Variants in RCC2 observed in about 807,000 individuals in gnomAD.
RCC2 encodes protein RCC2.
In RCC2, 19 loss-of-function variants were observed where a neutral mutation model predicts 64.1. That is an observed-to-expected ratio of 0.30 (90% CI 0.21 to 0.44). The LOEUF is 0.44. RCC2 is among the 20% of genes least tolerant of loss of function. RCC2 has a pLI of 1.00. For synonymous variants in RCC2, 325 were observed against 279.6 expected, an observed-to-expected ratio of 1.16 and a Z score of -1.62; for missense variants, 508 against 710.4, an observed-to-expected ratio of 0.72 and a Z score of 3.24.
chr1:17,415,784 C>G (rs578022925), intron 8 of RCC2, among the ~76,000 whole-genome samples: 15 of 150,598 alleles, frequency 1.0e-4, no homozygotes, highest in Non-Finnish European at 2.2e-4. Flanking sequence ...AAGAAACAAC[C>G]TAGGCCAGGC....
chr1:17,426,328 C>T (rs955028200), intron 3 of RCC2, among the ~76,000 whole-genome samples: 1 of 152,172 alleles, frequency 6.6e-6, no homozygotes, highest in African/African-American at 2.4e-5. Context: ...CCACCTCCTG[C>T]TCCCTTCTCA....
intron 3 of RCC2, among the ~76,000 whole-genome samples, chr1:17,427,487 G>C (rs1165937339): frequency 2.0e-5 from 3 of 152,190 alleles, no homozygotes; most frequent in Non-Finnish European, 1.5e-5. Flanking sequence ...AACTCAAGGA[G>C]GTGGCACCTA....
At position 17,416,529 on chromosome 1, in the gene RCC2, G is replaced by A; in HGVS notation, c.977C>T (p.Pro326Leu). The A allele has an allele frequency of 6.2e-7, 1 of 1,613,940 alleles. No individual in the cohort carries two copies. Among genetic ancestry groups the A allele is most frequent in the Non-Finnish European group, 8.5e-7 (1 of 1,180,044 alleles). Residue 326 changes from proline (P) to leucine (L), a missense_variant, in exon 8 of 13, where the codon CCT becomes CTT. By Grantham distance (98) the Pro-to-Leu change is moderately conservative. Transcript: ENST00000375436. ...IEKTKDGQIL[P>L]VPNVVVRDVA... ...GTCTCGTACAACCACGTTTGGTACA[G>A]GCAGAATCTGTCCATCTTTCGTCTT...
intron 7 of RCC2, among the ~76,000 whole-genome samples, chr1:17,419,126 G>A (rs532182781): frequency 4.6e-5 from 7 of 152,246 alleles, no homozygotes; most frequent in Admixed American, 1.3e-4. Flanking sequence ...AGGCCGAGGC[G>A]GGTAGATCAC....
At chr1:17,431,620 C>T (rs2075682582) in intron 2 of RCC2, among the ~76,000 whole-genome samples, 1 of 151,514 alleles carries the variant, frequency 6.6e-6, no homozygotes, top group Non-Finnish European at 1.5e-5. Flanking sequence ...ACGGCTCACG[C>T]ATTTCTAAGA....
At chr1:17,438,580 G>A in intron 1 of RCC2, 58 bp from the exon 2 acceptor site, 1 of 1,271,138 alleles carries the variant, frequency 7.9e-7, no homozygotes, top group Non-Finnish European at 9.9e-7. Context: ...TGCGCGGGGG[G>A]AGGGGAGCGG....
Position 17,437,662 on chromosome 1 carries a change from G to A in RCC2, c.285+568C>T, listed in dbSNP as rs936829358. On this transcript the variant is annotated intron_variant, in intron 2 of 12. Coordinates refer to ENST00000375436, the MANE Select transcript of RCC2 (RefSeq NM_018715.4). ...GGGGGGCTTCCCCGACCTCGGGGGAGGGCTCTGCGGAGCATGCGCGGCGGC... is the reference window on the plus strand; with the variant it reads ...GGGGGGCTTCCCCGACCTCGGGGGAAGGCTCTGCGGAGCATGCGCGGCGGC... 3.3e-5 allele frequency among the ~76,000 whole-genome samples: 5 copies of A among 151,674 alleles called. No individual in the cohort carries two copies. In the South Asian group the frequency reaches 6.2e-4, roughly 19 times the overall value.
chr1:17,413,813 TA>T, intron 8 of RCC2, 96 bp from the exon 9 acceptor site: 1 of 1,127,996 alleles, frequency 8.9e-7, no homozygotes, highest in Non-Finnish European at 1.3e-6. Flanking sequence ...GTGCAAATGC[TA>T]AGGGCAAAGG....
chr1:17,433,910 G>A (rs2075710102), intron 2 of RCC2, among the ~76,000 whole-genome samples: 1 of 152,122 alleles, frequency 6.6e-6, no homozygotes, highest in Non-Finnish European at 1.5e-5. Context: ...AGACTTCCGG[G>A]TTGGCTTTCA....
Position 17,409,051 on chromosome 1 carries a change from G to T in RCC2, c.*39C>A. 1 of 1,399,094 alleles carries T rather than the reference G, an allele frequency of 7.1e-7. No individual in the cohort carries two copies. Among genetic ancestry groups the T allele is most frequent in the Non-Finnish European group, 1.0e-6 (1 of 984,008 alleles). 86.7% of individuals were successfully genotyped at this position (1,399,094 alleles called of 1,614,324 possible). A position where few individuals can be genotyped will look rare whatever the true frequency, so the allele number is the denominator to read the frequency against. On this transcript the variant is annotated 3_prime_UTR_variant, in exon 13 of 13. Transcript: ENST00000375436. Reference sequence around the variant, plus strand: ...CCCAGTGCACATGGAAATGACAGCTGCCGCGAGAGGTGTGGAGTCGGAGGA... The same window carrying T: ...CCCAGTGCACATGGAAATGACAGCTTCCGCGAGAGGTGTGGAGTCGGAGGA...
intron 2 of RCC2, among the ~76,000 whole-genome samples, chr1:17,434,983 A>G (rs1432246634): frequency 2.0e-5 from 3 of 152,202 alleles, no homozygotes; most frequent in South Asian, 2.1e-4. Context: ...GGTGCCTGTC[A>G]TCTCAGCTAC....
chr1:17,430,668 G>A (rs767610800), intron 2 of RCC2, among the ~76,000 whole-genome samples: 10 of 151,926 alleles, frequency 6.6e-5, no homozygotes, highest in African/African-American at 1.2e-4. Context: ...TCCGCCTGTC[G>A]TCCCAGCTAC....
chr1:17,429,893 A>G (rs2075657584), intron 2 of RCC2, among the ~76,000 whole-genome samples: 2 of 152,334 alleles, frequency 1.3e-5, no homozygotes, highest in South Asian at 2.1e-4. Context: ...AGCAGCCAGC[A>G]TACTTCAGTG....
intron 3 of RCC2, 48 bp downstream of exon 3, chr1:17,429,058 T>C (rs2075647611): frequency 1.4e-6 from 2 of 1,433,474 alleles, no homozygotes; most frequent in African/African-American, 1.4e-5. Context: ...CAACAGAACC[T>C]AGCACTTAAG....
At chr1:17,433,262 T>C (rs1375714075) in intron 2 of RCC2, among the ~76,000 whole-genome samples, 1 of 152,252 alleles carries the variant, frequency 6.6e-6, no homozygotes, top group Non-Finnish European at 1.5e-5. Flanking sequence ...TTTATTTCTC[T>C]ATAACTTCTT....
In RCC2 at chr1:17,429,555, C is replaced by T. The variant is rs376380287; in HGVS notation, c.286-356G>A. Among the ~76,000 whole-genome samples, 39 of 152,280 alleles carry T rather than the reference C, an allele frequency of 2.6e-4. No homozygotes were observed. The East Asian group carries it at 5.2e-3, about 20-fold the overall frequency. Reference sequence around the variant, plus strand: ...AGGAAGCCTGCCGGACACTCAGGGGCGTTAAATCCAGCTCATCCTAGGGCC... The same window carrying T: ...AGGAAGCCTGCCGGACACTCAGGGGTGTTAAATCCAGCTCATCCTAGGGCC... On this transcript the variant is annotated intron_variant, in intron 2 of 12. Transcript: ENST00000375436.
At chr1:17,414,234 T>C (rs1411640248) in intron 8 of RCC2, among the ~76,000 whole-genome samples, 2 of 152,178 alleles carry the variant, frequency 1.3e-5, no homozygotes, top group Non-Finnish European at 2.9e-5. Context: ...TGATTCCCAC[T>C]ACAACAGAGA....
chr1:17,425,954 C>T (rs911325993), intron 3 of RCC2, among the ~76,000 whole-genome samples: 3 of 152,228 alleles, frequency 2.0e-5, no homozygotes, highest in Admixed American at 1.3e-4. Flanking sequence ...GGCCCCAGCC[C>T]CCTCTCTGGG....
At position 17,425,212 on chromosome 1, in the gene RCC2, G is replaced by A. The variant is rs147518256; in HGVS notation, c.523+329C>T. 2.5e-3 allele frequency among the ~76,000 whole-genome samples: 373 copies of A among 152,234 alleles called. 3 individuals carry two copies. Among genetic ancestry groups the A allele is most frequent in the African/African-American group, 8.1e-3 (335 of 41,540 alleles). ...AGAGGAAGGAAACTGTCTGCTGGAA[G>A]GACAGCCTGCCTAACACACTCACAC... On this transcript the variant is annotated intron_variant, in intron 4 of 12. Transcript: ENST00000375436.
Sources: gnomAD v4.1 joint callset for allele counts (sites outside exome capture counted in the v4.1 genomes callset) on GRCh38, gnomAD v4.1.1 for gene constraint, MANE v1.5 for transcripts, NCBI Gene and HGNC (gene_info 2026-07-23, HGNC 2026-07-21) for gene names.